ICA1L: variants seen among roughly 807,000 people sequenced by gnomAD.
The protein encoded by ICA1L is islet cell autoantigen 1-like protein.
Under a neutral mutation model 61.3 loss-of-function variants are expected in ICA1L, and 50 were observed. That is an observed-to-expected ratio of 0.82 (90% CI 0.65 to 1.03). The LOEUF is 1.03. ICA1L is among the 50% of genes least tolerant of loss of function. The pLI is 0.00. For synonymous variants in ICA1L, 161 were observed against 191.3 expected, an observed-to-expected ratio of 0.84 and a Z score of 1.31; for missense variants, 508 against 556.7, an observed-to-expected ratio of 0.91 and a Z score of 0.88.
rs954098181 is a variant in ICA1L at position 202,779,436 on chromosome 2, G to A, written c.*97C>T. The stretch of plus-strand genomic sequence containing the variant: ...CAGGTGTTATATTCACAAACACCGT[G>A]CTTTTGTGTGCGGGTTACAATCTAA... On this transcript the variant is annotated 3_prime_UTR_variant, in exon 13 of 13. Coordinates refer to ENST00000358299, the MANE Select transcript of ICA1L (RefSeq NM_001288622.3). The A allele has an allele frequency of 5.9e-6, 4 of 678,678 alleles. No individual in the cohort carries two copies. In the African/African-American group the frequency reaches 7.2e-5, roughly 12 times the overall value. The allele number at this position is 678,678 out of a possible 1,614,324, so 42.0% of individuals were successfully genotyped here.
At chr2:202,780,992 G>A (rs1692385146) in intron 12 of ICA1L, among the ~76,000 whole-genome samples, 1 of 152,156 alleles carries the variant, frequency 6.6e-6, no homozygotes, top group African/African-American at 2.4e-5. Flanking sequence ...GTGTCACTAA[G>A]ATAATACCTG....
intron 4 of ICA1L, chr2:202,820,112 G>A (rs1400245900): frequency 5.8e-6 from 3 of 515,758 alleles, no homozygotes; most frequent in Non-Finnish European, 1.0e-5. Context: ...GGTGGCTGAC[G>A]CTTGTAATCC....
At chr2:202,848,537 A>T (rs1694527719) in intron 1 of ICA1L, among the ~76,000 whole-genome samples, 1 of 152,210 alleles carries the variant, frequency 6.6e-6, no homozygotes, top group Non-Finnish European at 1.5e-5. Context: ...CTTGCTACAA[A>T]GGCAGTTAGG....
chr2:202,808,624 G>A (rs909341001), intron 9 of ICA1L, among the ~76,000 whole-genome samples: 1 of 152,214 alleles, frequency 6.6e-6, no homozygotes, highest in African/African-American at 2.4e-5. Flanking sequence ...CAGTAGCCAG[G>A]CAGTGGTAAC....
At chr2:202,865,752 T>C (rs1482935123) in intron 1 of ICA1L, among the ~76,000 whole-genome samples, 2 of 152,160 alleles carry the variant, frequency 1.3e-5, no homozygotes, top group Non-Finnish European at 2.9e-5. Context: ...AACAAAAGTA[T>C]CACATTTCTA....
intron 3 of ICA1L, among the ~76,000 whole-genome samples, chr2:202,823,685 A>C (rs1693758796): frequency 6.6e-6 from 1 of 152,162 alleles, no homozygotes; most frequent in Admixed American, 6.5e-5. Flanking sequence ...TCTTCTCTAC[A>C]TGTTCAACTT....
intron 1 of ICA1L, among the ~76,000 whole-genome samples, chr2:202,832,435 CAAAA>C (rs35735506): frequency 6.2e-5 from 5 of 80,884 alleles, no homozygotes; most frequent in Admixed American, 1.5e-4. Flanking sequence ...GACTCCGTCA[CAAAA>C]AAAAAAAAAA....
chr2:202,773,498 G>A lies in ICA1L; in HGVS notation c.*6035C>T, dbSNP rs760177913. The A allele has an allele frequency of 5.2e-5, 15 of 288,396 alleles. No individual in the cohort carries two copies. The highest frequency in any genetic ancestry group is 7.8e-5 in the Non-Finnish European group (12 of 154,248). The allele number at this position is 288,396 out of a possible 1,614,324, so 17.9% of individuals were successfully genotyped here. A position where few individuals can be genotyped will look rare whatever the true frequency, so the allele number is the denominator to read the frequency against. On this transcript the variant is annotated 3_prime_UTR_variant, in exon 13 of 13. Transcript: ENST00000358299. ...ATCTCCAACAAGACACTGTCAAAAT[G>A]TTTCTTCTGATAAAGCAGTTATGTC... is the stretch of plus-strand genomic sequence containing the variant.
chr2:202,848,624 C>A (rs578000187), intron 1 of ICA1L, among the ~76,000 whole-genome samples: 3 of 152,264 alleles, frequency 2.0e-5, no homozygotes, highest in African/African-American at 4.8e-5. Context: ...AGTCTGCAGA[C>A]CCCTGATCTC....
rs1243402521 is a variant in ICA1L at position 202,774,226 on chromosome 2, C to T, written c.*5307G>A. On this transcript the variant is annotated 3_prime_UTR_variant, in exon 13 of 13. Transcript: ENST00000358299. ...GCAGCGCCGGATCGAAGGCGCGGGGCGGCTCCTGAGTCTTCTCGCTCCTGT... is the reference window on the plus strand; with the variant it reads ...GCAGCGCCGGATCGAAGGCGCGGGGTGGCTCCTGAGTCTTCTCGCTCCTGT... 2 of 1,549,492 alleles carry T rather than the reference C, an allele frequency of 1.3e-6. No homozygotes were observed. Among genetic ancestry groups the T allele is most frequent in the African/African-American group, 2.7e-5 (2 of 72,940 alleles).
In ICA1L at chr2:202,785,929, T is replaced by A. The variant is rs993190528; in HGVS notation, c.1322A>T (p.Lys441Ile). The part of the protein sequence containing the change: ...NQPVPSQSPK[K>I]LTRSPNNGNQ... ...AATAAATAACTTACATCTTGTTAAT[T>A]TCTTTGGACTCTGTGAAGGCACTGG... Residue 441 changes from lysine to isoleucine, a missense_variant, in exon 12 of 13, where the codon AAA becomes ATA. By Grantham distance (102) the Lys-to-Ile change is moderately radical. Transcript: ENST00000358299. 2 of 1,573,086 alleles carry A rather than the reference T, an allele frequency of 1.3e-6. No homozygotes were observed. Among genetic ancestry groups the A allele is most frequent in the African/African-American group, 2.7e-5 (2 of 73,944 alleles).
intron 1 of ICA1L, among the ~76,000 whole-genome samples, chr2:202,858,413 T>C (rs1359584288): frequency 1.3e-5 from 2 of 151,736 alleles, no homozygotes; most frequent in African/African-American, 2.4e-5. Flanking sequence ...GAAGTGGGAG[T>C]TGAACAATGA....
rs143191748 is a variant in ICA1L, at chr2:202,812,985, G to A, written c.867-1196C>T. On this transcript the variant is annotated intron_variant, in intron 8 of 12. Coordinates refer to ENST00000358299, the MANE Select transcript of ICA1L (RefSeq NM_001288622.3). ...TTTTAAATGTCAATATTGGCCAGGCGTGATGGCTCACACCTGTAATCCCAG... is the reference window on the plus strand; with the variant it reads ...TTTTAAATGTCAATATTGGCCAGGCATGATGGCTCACACCTGTAATCCCAG... Among the ~76,000 whole-genome samples the A allele has an allele frequency of 2.7e-3, 417 of 152,236 alleles. 4 individuals carry two copies. The highest frequency in any genetic ancestry group is 9.2e-3 in the African/African-American group (384 of 41,550).
intron 9 of ICA1L, among the ~76,000 whole-genome samples, chr2:202,808,182 G>A (rs1693277170): frequency 1.3e-5 from 2 of 152,198 alleles, no homozygotes; most frequent in South Asian, 4.1e-4. Context: ...GGGGTAGTCA[G>A]TTCTAGCCCT....
At chr2:202,831,873 T>G (rs1157317518) in intron 1 of ICA1L, among the ~76,000 whole-genome samples, 1 of 152,098 alleles carries the variant, frequency 6.6e-6, no homozygotes, top group Non-Finnish European at 1.5e-5. Flanking sequence ...CTTACTGGCT[T>G]GACATATCAG....
chr2:202,795,788 A>G (rs1038738241), intron 10 of ICA1L, among the ~76,000 whole-genome samples: 1 of 152,124 alleles, frequency 6.6e-6, no homozygotes, highest in African/African-American at 2.4e-5. Flanking sequence ...CACGTCTGTA[A>G]TCCTGGCACT....
At position 202,871,665 on chromosome 2, in the gene ICA1L, A is replaced by T. The variant is rs1416540274; in HGVS notation, c.-54T>A. 6.6e-6 allele frequency: 1 copy of T among 152,442 alleles called. No homozygotes were observed. The highest frequency in any genetic ancestry group is 2.4e-5 in the African/African-American group (1 of 41,434). 9.4% of individuals were successfully genotyped at this position (152,442 alleles called of 1,614,324 possible). ...TCGGGTCGCGTTCGGCCGTACGGTG[A>T]TCCGTCCCGGCACCCGTTCCGGCCA... On this transcript the variant is annotated 5_prime_UTR_variant, in exon 1 of 13. Transcript: ENST00000358299.
intron 1 of ICA1L, among the ~76,000 whole-genome samples, chr2:202,857,303 G>T (rs549332876): frequency 2.0e-5 from 3 of 152,038 alleles, no homozygotes; most frequent in African/African-American, 7.2e-5. Flanking sequence ...ACAGAACAGA[G>T]ACCTCAGAAA....
At chr2:202,830,406 C>CA (rs1271190582) in intron 1 of ICA1L, among the ~76,000 whole-genome samples, 3 of 151,046 alleles carry the variant, frequency 2.0e-5, no homozygotes, top group Non-Finnish European at 4.4e-5. Flanking sequence ...GACTCCGTCT[C>CA]AAAAAAAATA....
Sources: gnomAD v4.1 joint callset for allele counts (sites outside exome capture counted in the v4.1 genomes callset) on GRCh38, gnomAD v4.1.1 for gene constraint, MANE v1.5 for transcripts, NCBI Gene and HGNC (gene_info 2026-07-23, HGNC 2026-07-21) for gene names.